The following LPA variants were observed in gnomAD, a reference collection of about 807,000 sequenced individuals.
LPA encodes apolipoprotein(a).
A neutral mutation model predicts 197.9 loss-of-function variants in LPA; 199 were observed. The observed-to-expected ratio is 1.01, with a 90% CI of 0.90 to 1.13. The LOEUF (loss-of-function observed/expected upper bound fraction) is 1.13. Among genes scored for constraint, LPA ranks in the 50% most tolerant of loss-of-function variants. LPA has a pLI of 0.00. For synonymous variants in LPA, 715 were observed against 639.5 expected (o/e 1.12, Z -1.78); for missense variants, 1,853 against 1,785.8 (o/e 1.04, Z -0.68).
rs180683757 is a variant in LPA, at chr6:160,600,794, A to C, written c.3127+123T>G. The C allele has an allele frequency of 6.6e-4, 755 of 1,137,716 alleles. 25 individuals are homozygous for C. The Admixed American group carries it at 0.014, about 22-fold the overall frequency. The allele number at this position is 1,137,716 out of a possible 1,614,324, so 70.5% of individuals were successfully genotyped here. Reference sequence around the variant, plus strand: ...AGAGTGCGCTAAGGCTTCCTCCCACATGGCAGACCCAGAACCAACACACGA... The same window carrying C: ...AGAGTGCGCTAAGGCTTCCTCCCACCTGGCAGACCCAGAACCAACACACGA... On this transcript the variant is annotated intron_variant, in intron 19 of 38. Transcript: ENST00000316300.
intron 28 of LPA, among the ~76,000 whole-genome samples, chr6:160,558,626 A>G (rs962263269): frequency 1.3e-5 from 2 of 152,144 alleles, no homozygotes; most frequent in African/African-American, 4.8e-5. Context: ...GAGGGAATGG[A>G]GGATGAGATG....
chr6:160,552,140 G>A (rs1347781693), intron 30 of LPA, among the ~76,000 whole-genome samples: 2 of 152,114 alleles, frequency 1.3e-5, no homozygotes, highest in Non-Finnish European at 2.9e-5. Context: ...TTGAACATCT[G>A]GGCTCAAGCC....
At chr6:160,661,194 C>T (rs372800988) in intron 1 of LPA, among the ~76,000 whole-genome samples, 2 of 152,108 alleles carry the variant, frequency 1.3e-5, no homozygotes, top group East Asian at 3.8e-4. Context: ...CCAAAAGAGG[C>T]TAATAAAATG....
intron 20 of LPA, among the ~76,000 whole-genome samples, chr6:160,597,837 A>T (rs1779162591): frequency 6.6e-6 from 1 of 152,208 alleles, no homozygotes; most frequent in South Asian, 2.1e-4. Flanking sequence ...TTTTATGTGT[A>T]GTAAAGTTAT....
chr6:160,572,790 G>A (rs964366483), intron 28 of LPA, among the ~76,000 whole-genome samples: 2 of 152,078 alleles, frequency 1.3e-5, no homozygotes, highest in African/African-American at 4.8e-5. Context: ...AATCTGATAG[G>A]GTTTCCTTTA....
chr6:160,600,060 A>G (rs1348801260), intron 19 of LPA, among the ~76,000 whole-genome samples: 4 of 152,212 alleles, frequency 2.6e-5, no homozygotes, highest in Non-Finnish European at 5.9e-5. Flanking sequence ...TTTTTTGGGG[A>G]GGAGGCAAGG....
intron 28 of LPA, among the ~76,000 whole-genome samples, chr6:160,559,123 C>G (rs912211262): frequency 6.6e-6 from 1 of 152,244 alleles, no homozygotes; most frequent in Non-Finnish European, 1.5e-5. Flanking sequence ...ACTCCCATCA[C>G]CACACGGAAC....
chr6:160,648,043 G>C (rs1779933822), intron 2 of LPA, among the ~76,000 whole-genome samples: 1 of 152,106 alleles, frequency 6.6e-6, no homozygotes, highest in Admixed American at 6.5e-5. Flanking sequence ...TCTTTGTTTA[G>C]GGGAGTGCAC....
At chr6:160,591,253 T>G (rs1779024289) in intron 22 of LPA, 152 bp from the exon 23 acceptor site, 2 of 994,842 alleles carry the variant, frequency 2.0e-6, no homozygotes, top group Non-Finnish European at 3.0e-6. Context: ...CGTCCTCAAC[T>G]TCTAAACAAC....
chr6:160,540,225 C>T, intron 35 of LPA, 42 bp from the exon 36 acceptor site: 1 of 1,613,308 alleles, frequency 6.2e-7, no homozygotes, highest in Non-Finnish European at 8.5e-7. Context: ...ATGGTCCAGC[C>T]CCTTCAGGTA....
At chr6:160,597,991 T>G (rs1376149726) in intron 20 of LPA, among the ~76,000 whole-genome samples, 1 of 152,212 alleles carries the variant, frequency 6.6e-6, no homozygotes, top group Non-Finnish European at 1.5e-5. Context: ...CTTTTCAGCT[T>G]TGCTAGGTTT....
At chr6:160,552,339 A>G (rs764300451) in intron 30 of LPA, among the ~76,000 whole-genome samples, 1 of 152,174 alleles carries the variant, frequency 6.6e-6, no homozygotes, top group East Asian at 1.9e-4. Context: ...CCAAAGATCA[A>G]TTTCACGAGA....
intron 37 of LPA, 85 bp from the exon 38 acceptor site, chr6:160,532,734 G>T: frequency 1.1e-6 from 1 of 898,206 alleles, no homozygotes; most frequent in Non-Finnish European, 1.9e-6. Flanking sequence ...CAGTGGAGCT[G>T]GACCTCCTGT....
At chr6:160,561,125 G>T (rs1264523081) in intron 28 of LPA, among the ~76,000 whole-genome samples, 2 of 151,942 alleles carry the variant, frequency 1.3e-5, no homozygotes, top group African/African-American at 4.8e-5. Flanking sequence ...TAGCCAAGAT[G>T]GTCTCGATCT....
Position 160,599,508 on chromosome 6 carries a change from G to T in LPA, c.3279C>A (p.Tyr1093Ter), listed in dbSNP as rs1326847614. Residue 1093 changes from tyrosine to a stop codon, truncating the protein, a stop_gained, in exon 20 of 39, where the codon TAC becomes TAA. Transcript: ENST00000316300. LOFTEE classifies it high-confidence loss of function. ...PHQHSRTPEN[Y>*]PNAGLTRNYC... ...AAAGAACAAAGACGTACGCATTTGG[G>T]TAGTTTTCTGGGGTCCGACTATGCT... 5 of 1,613,684 alleles carry T rather than the reference G, an allele frequency of 3.1e-6. No individual in the cohort carries two copies. The highest frequency in any genetic ancestry group is 4.2e-6 in the Non-Finnish European group (5 of 1,179,910).
At chr6:160,576,384 A>ATATGTG (rs1583590508) in intron 28 of LPA, among the ~76,000 whole-genome samples, 1 of 73,034 alleles carries the variant, frequency 1.4e-5, no homozygotes, top group African/African-American at 7.5e-5. Context: ...ATATATATAT[A>ATATGTG]TATATGTATA....
At chr6:160,580,554 C>T (rs917780907) in intron 26 of LPA, among the ~76,000 whole-genome samples, 1 of 152,130 alleles carries the variant, frequency 6.6e-6, no homozygotes, top group Non-Finnish European at 1.5e-5. Flanking sequence ...CACATTCTAG[C>T]TCCAAATCGG....
At chr6:160,596,871 T>C (rs1202198917) in intron 20 of LPA, among the ~76,000 whole-genome samples, 1 of 152,222 alleles carries the variant, frequency 6.6e-6, no homozygotes, top group Non-Finnish European at 1.5e-5. Flanking sequence ...TAAGTTTGGA[T>C]AAATTGTGTT....
At chr6:160,535,175 ATGG>A (rs1777868016) in intron 37 of LPA, among the ~76,000 whole-genome samples, 1 of 150,412 alleles carries the variant, frequency 6.6e-6, no homozygotes, top group East Asian at 2.0e-4. Context: ...GATGGTGACG[ATGG>A]TGGTGATAGT....
Sources: gnomAD v4.1 joint callset for allele counts (sites outside exome capture counted in the v4.1 genomes callset) on GRCh38, gnomAD v4.1.1 for gene constraint, MANE v1.5 for transcripts, NCBI Gene and HGNC (gene_info 2026-07-23, HGNC 2026-07-21) for gene names.